The following SAMD12 variants were observed in gnomAD, a reference collection of about 807,000 sequenced individuals.
The protein encoded by SAMD12 is sterile alpha motif domain-containing protein 12.
A neutral mutation model predicts 15.0 loss-of-function variants in SAMD12; 9 were observed. The observed-to-expected ratio is 0.60, with a 90% confidence interval of 0.36 to 1.05. The LOEUF (loss-of-function observed/expected upper bound fraction) is 1.05, where lower values mean the gene tolerates loss of function less well. Among genes scored for constraint, SAMD12 ranks in the 50% least tolerant of loss-of-function variants. SAMD12 has a pLI of 0.01. For missense variants in SAMD12, 230 were observed against 234.2 expected (o/e 0.98, Z 0.12); for synonymous variants, 86 against 90.1 (o/e 0.96, Z 0.25).
intron 2 of SAMD12, among the ~76,000 whole-genome samples, chr8:118,449,355 CA>C (rs1178259474): frequency 6.6e-6 from 1 of 151,966 alleles, no homozygotes; most frequent in Non-Finnish European, 1.5e-5. Context: ...GCCACCGCAC[CA>C]GCCTACAGAG....
chr8:118,143,228 T>C, the SAMD12 span, among the ~76,000 whole-genome samples: 1 of 152,188 alleles, frequency 6.6e-6, no homozygotes, highest in Non-Finnish European at 1.5e-5. Context: ...TCTAAGAGTA[T>C]AGATTCTCCT....
At chr8:118,217,893 A>T (rs961991820) in intron 4 of SAMD12, among the ~76,000 whole-genome samples, 1 of 152,202 alleles carries the variant, frequency 6.6e-6, no homozygotes, top group Non-Finnish European at 1.5e-5. Context: ...TGTTCCTAAT[A>T]CTTAGAAAAG....
At chr8:118,548,739 G>A (rs1287609205) in intron 2 of SAMD12, among the ~76,000 whole-genome samples, 1 of 152,258 alleles carries the variant, frequency 6.6e-6, no homozygotes, top group South Asian at 2.1e-4. Context: ...CCTCACTCGG[G>A]AAGTGCAAGG....
chr8:118,566,059 T>A (rs1472494123), intron 2 of SAMD12, among the ~76,000 whole-genome samples: 4 of 152,204 alleles, frequency 2.6e-5, no homozygotes, highest in African/African-American at 9.6e-5. Context: ...GAGTCTTCTC[T>A]TTATAAGTCC....
chr8:118,508,623 C>A (rs62531889), intron 2 of SAMD12, among the ~76,000 whole-genome samples: 32,429 of 152,046 alleles, frequency 0.21, 3,652 homozygotes, highest in South Asian at 0.41. Flanking sequence ...ACTGCTGCTT[C>A]TTTGTATTAA....
chr8:118,348,582 T>C (rs1273778890), intron 4 of SAMD12, among the ~76,000 whole-genome samples: 5 of 152,032 alleles, frequency 3.3e-5, no homozygotes, highest in East Asian at 3.9e-4. Context: ...CCGTGTTCGC[T>C]AGGATGGTCT....
chr8:118,376,766 T>A (rs1819407534), downstream of SAMD12, among the ~76,000 whole-genome samples: 1 of 138,432 alleles, frequency 7.2e-6, no homozygotes, highest in Non-Finnish European at 1.5e-5. Context: ...AAAGTCTTTG[T>A]TTGTACTTAT....
chr8:118,444,267 A>G (rs1289895991), intron 2 of SAMD12, among the ~76,000 whole-genome samples: 1 of 152,202 alleles, frequency 6.6e-6, no homozygotes, highest in Non-Finnish European at 1.5e-5. Flanking sequence ...TGTCTACCAC[A>G]TCATTCTCTG....
intron 4 of SAMD12, among the ~76,000 whole-genome samples, chr8:118,306,124 A>G (rs1260746178): frequency 6.6e-6 from 1 of 152,228 alleles, no homozygotes; most frequent in East Asian, 1.9e-4. Context: ...AAGTTTCAAT[A>G]TTCAGCTCTT....
chr8:118,182,734 G>C, the SAMD12 span, among the ~76,000 whole-genome samples: 1 of 152,082 alleles, frequency 6.6e-6, no homozygotes, highest in South Asian at 2.1e-4. Context: ...GTCAAATTGA[G>C]TAACACATTG....
At chr8:118,576,531 G>T (rs1386396977) in intron 2 of SAMD12, among the ~76,000 whole-genome samples, 8 of 152,076 alleles carry the variant, frequency 5.3e-5, no homozygotes, top group Non-Finnish European at 1.2e-4. Flanking sequence ...CCATTCTTAG[G>T]GCTACATATT....
chr8:118,555,199 A>G (rs1826490260), intron 2 of SAMD12, among the ~76,000 whole-genome samples: 1 of 152,236 alleles, frequency 6.6e-6, no homozygotes, highest in Non-Finnish European at 1.5e-5. Flanking sequence ...CATTAATTAT[A>G]AATTAGTTTT....
At chr8:118,404,248 T>G (rs1821014779) in intron 3 of SAMD12, among the ~76,000 whole-genome samples, 1 of 152,194 alleles carries the variant, frequency 6.6e-6, no homozygotes, top group South Asian at 2.1e-4. Flanking sequence ...CCTCCCAAAG[T>G]GCTAGGATTA....
chr8:118,277,509 A>T (rs1813503298), intron 4 of SAMD12, among the ~76,000 whole-genome samples: 1 of 151,852 alleles, frequency 6.6e-6, no homozygotes, highest in Non-Finnish European at 1.5e-5. Flanking sequence ...TTCCTTATGT[A>T]GTTTTAACAG....
intron 4 of SAMD12, among the ~76,000 whole-genome samples, chr8:118,280,043 G>A (rs945059770): frequency 5.3e-5 from 8 of 152,128 alleles, no homozygotes; most frequent in Admixed American, 5.2e-4. Context: ...CTTACAAATG[G>A]GACTGGCAAT....
At chr8:118,256,657 TAA>T (rs1812946790) in intron 4 of SAMD12, among the ~76,000 whole-genome samples, 1 of 151,968 alleles carries the variant, frequency 6.6e-6, no homozygotes, top group Non-Finnish European at 1.5e-5. Context: ...ATTCAAATCT[TAA>T]AAGAGTATAA....
At chr8:118,609,344 G>A (rs868747323) in intron 1 of SAMD12, among the ~76,000 whole-genome samples, 3 of 152,114 alleles carry the variant, frequency 2.0e-5, no homozygotes, top group African/African-American at 7.2e-5. Flanking sequence ...GTTTCATTAC[G>A]GTCTACTTTA....
chr8:118,416,583 A>C (rs1054754414), intron 3 of SAMD12, among the ~76,000 whole-genome samples: 1 of 152,210 alleles, frequency 6.6e-6, no homozygotes, highest in Non-Finnish European at 1.5e-5. Flanking sequence ...GAATTGTCCT[A>C]CGTGAAAATC....
At chr8:118,538,826 C>T (rs1447235834) in intron 2 of SAMD12, among the ~76,000 whole-genome samples, 4 of 152,330 alleles carry the variant, frequency 2.6e-5, no homozygotes, top group African/African-American at 4.8e-5. Context: ...AGTCTCTACT[C>T]AGCCATCCTG....
Sources: allele counts gnomAD v4.1 joint callset (sites outside exome capture counted in the v4.1 genomes callset), GRCh38; gene constraint gnomAD v4.1.1; transcripts MANE v1.5; gene names NCBI Gene and HGNC (gene_info 2026-07-23, HGNC 2026-07-21).